Variants in GRIP1 observed in about 807,000 individuals in gnomAD.
GRIP1 encodes glutamate receptor interacting protein 1.
A neutral mutation model predicts 129.9 loss-of-function variants in GRIP1; 45 were observed. The observed-to-expected ratio is 0.35, with a 90% CI of 0.27 to 0.44. The LOEUF is 0.44. GRIP1 is among the 20% of genes least tolerant of loss of function. The pLI is 1.00. For synonymous variants in GRIP1, 530 were observed against 520.8 expected, an observed-to-expected ratio of 1.02 and a Z score of -0.24; for missense variants, 1,196 against 1,396.8, an observed-to-expected ratio of 0.86 and a Z score of 2.29.
chr12:67,059,107 G>A (rs1388466823), intron 1 of GRIP1, among the ~76,000 whole-genome samples: 1 of 152,180 alleles, frequency 6.6e-6, no homozygotes, highest in African/African-American at 2.4e-5. Context: ...ACCATAGAGT[G>A]GTAATATCTG....
At chr12:66,559,811 G>GA (rs546106255) in intron 2 of GRIP1, among the ~76,000 whole-genome samples, 16 of 151,946 alleles carry the variant, frequency 1.1e-4, no homozygotes, top group African/African-American at 3.4e-4. Flanking sequence ...CACAGAAATA[G>GA]AAAAAACAAT....
chr12:66,521,648 GT>G (rs2061007478), intron 5 of GRIP1, among the ~76,000 whole-genome samples: 1 of 152,218 alleles, frequency 6.6e-6, no homozygotes, highest in Admixed American at 6.5e-5. Flanking sequence ...GTGCCAGACA[GT>G]GGGTGCAGGA....
At chr12:66,814,062 A>T (rs1402031032) in intron 1 of GRIP1, among the ~76,000 whole-genome samples, 1 of 152,092 alleles carries the variant, frequency 6.6e-6, no homozygotes, top group Non-Finnish European at 1.5e-5. Context: ...GTTGTGCCTT[A>T]AACTATTGTC....
At chr12:66,801,541 G>A (rs1381028121) in intron 1 of GRIP1, among the ~76,000 whole-genome samples, 2 of 152,060 alleles carry the variant, frequency 1.3e-5, no homozygotes, top group East Asian at 3.9e-4. Flanking sequence ...TAAGATGAAG[G>A]AATGGGTGGT....
At chr12:66,959,310 G>A (rs1156570148) in intron 1 of GRIP1, among the ~76,000 whole-genome samples, 2 of 151,576 alleles carry the variant, frequency 1.3e-5, no homozygotes, top group Non-Finnish European at 2.9e-5. Context: ...TTTTGCTTAA[G>A]CCACATTTAC....
At chr12:66,704,486 G>A (rs978850864) in intron 1 of GRIP1, among the ~76,000 whole-genome samples, 4 of 151,836 alleles carry the variant, frequency 2.6e-5, no homozygotes, top group Non-Finnish European at 5.9e-5. Flanking sequence ...AAACAGTGGG[G>A]GTAAAGAATC....
intron 2 of GRIP1, chr12:66,567,798 G>T (rs2062819861): frequency 9.8e-6 from 2 of 203,880 alleles, no homozygotes; most frequent in Non-Finnish European, 2.1e-5. Context: ...CCCAGAGAAA[G>T]GTTCAGTGTG....
intron 1 of GRIP1, among the ~76,000 whole-genome samples, chr12:67,067,249 T>C (rs1461552874): frequency 6.6e-6 from 1 of 152,178 alleles, no homozygotes; most frequent in Non-Finnish European, 1.5e-5. Flanking sequence ...TCTTTCAATG[T>C]TACCATATAT....
intron 7 of GRIP1, among the ~76,000 whole-genome samples, chr12:66,482,604 C>G (rs2059838084): frequency 2.6e-5 from 4 of 152,200 alleles, no homozygotes; most frequent in African/African-American, 9.6e-5. Flanking sequence ...AGCCTGTTTC[C>G]CTAGCTGCCA....
intron 1 of GRIP1, among the ~76,000 whole-genome samples, chr12:66,783,062 ACT>A (rs2038210791): frequency 6.6e-6 from 1 of 151,060 alleles, no homozygotes; most frequent in African/African-American, 2.4e-5. Flanking sequence ...TTTTTAAGAC[ACT>A]CTGTCACCCA....
chr12:67,016,295 C>A (rs756111699), intron 1 of GRIP1, among the ~76,000 whole-genome samples: 1 of 152,088 alleles, frequency 6.6e-6, no homozygotes, highest in South Asian at 2.1e-4. Context: ...TAAACACACA[C>A]GACAACAGAT....
chr12:66,957,981 A>G (rs2041867564), intron 1 of GRIP1, among the ~76,000 whole-genome samples: 1 of 152,044 alleles, frequency 6.6e-6, no homozygotes, highest in African/African-American at 2.4e-5. Flanking sequence ...TTATTCAATT[A>G]TGTATTTTAG....
chr12:66,451,421 T>TTTTTTTTTTTTTTTTTTC (rs1565752142), intron 11 of GRIP1, among the ~76,000 whole-genome samples: 2 of 115,558 alleles, frequency 1.7e-5, no homozygotes, highest in African/African-American at 7.2e-5. Context: ...TTTTTTTTTT[T>TTTTTTTTTTTTTTTTTTC]CAGATAGGCT....
At chr12:66,708,369 C>A (rs1037088375) in intron 1 of GRIP1, among the ~76,000 whole-genome samples, 2 of 151,924 alleles carry the variant, frequency 1.3e-5, no homozygotes, top group Non-Finnish European at 2.9e-5. Flanking sequence ...TGTTTAAACT[C>A]GAGCTACCTA....
rs145875833 is a variant in GRIP1 at position 66,979,519 on chromosome 12, TTTG to T, written c.58+89528_58+89530del. Among the ~76,000 whole-genome samples, 83 of 152,194 alleles carry T rather than the reference TTTG, an allele frequency of 5.5e-4. No homozygotes were observed. The East Asian group carries it at 0.014, about 25-fold the overall frequency. On this transcript the variant is annotated intron_variant, in intron 1 of 1. Transcript: ENST00000643019. Reference sequence around the variant, plus strand: ...CTCTGAGGGCTCCAAGCCTCAGGGTTTTGTTGTTGTTGTTATTCATATTATGGC... The same window carrying T: ...CTCTGAGGGCTCCAAGCCTCAGGGTTTTGTTGTTGTTATTCATATTATGGC...
At chr12:66,673,755 C>A (rs573869850) in intron 1 of GRIP1, among the ~76,000 whole-genome samples, 6 of 152,104 alleles carry the variant, frequency 3.9e-5, no homozygotes, top group Non-Finnish European at 8.8e-5. Flanking sequence ...AGCACTTGCG[C>A]GAGAACAAGA....
chr12:66,429,975 TTTC>T (rs1391548858), intron 14 of GRIP1, among the ~76,000 whole-genome samples: 1 of 152,230 alleles, frequency 6.6e-6, no homozygotes, highest in Non-Finnish European at 1.5e-5. Context: ...TAAGTCAGTC[TTTC>T]TTCTGTCTAT....
chr12:66,416,979 A>AAAAGAAAAGAAAAGG (rs2057629782), intron 15 of GRIP1, among the ~76,000 whole-genome samples: 2 of 151,840 alleles, frequency 1.3e-5, no homozygotes, highest in South Asian at 4.1e-4. Flanking sequence ...AAAGAAAAAG[A>AAAAGAAAAGAAAAGG]AAAAGAAAAA....
intron 1 of GRIP1, among the ~76,000 whole-genome samples, chr12:66,743,059 C>T (rs1445629666): frequency 2.6e-5 from 4 of 151,954 alleles, no homozygotes; most frequent in Admixed American, 6.6e-5. Context: ...AGCAGCCGTC[C>T]AAAACCCATG....
Sources: gnomAD v4.1 joint callset for allele counts (sites outside exome capture counted in the v4.1 genomes callset) on GRCh38, gnomAD v4.1.1 for gene constraint, MANE v1.5 for transcripts, NCBI Gene and HGNC (gene_info 2026-07-23, HGNC 2026-07-21) for gene names.